Variants in MYPN observed in about 807,000 individuals in gnomAD.
The protein encoded by MYPN is sarcomeric protein myopalladin, 145 kDa (MYOP).
A neutral mutation model predicts 129.4 loss-of-function variants in MYPN; 63 were observed. The ratio of observed to expected loss-of-function variants is 0.49; its 90% CI spans 0.40 to 0.60. The LOEUF is 0.60. MYPN is among the 20% of genes least tolerant of loss of function. The pLI, the probability that MYPN is intolerant of heterozygous loss-of-function variation, is 0.00. For missense variants in MYPN, 1,596 were observed against 1,635.4 expected (o/e 0.98, Z 0.42); for synonymous variants, 629 against 600.9 (o/e 1.05, Z -0.68).
At chr10:68,158,818 A>G (rs1490725378) in intron 7 of MYPN, among the ~76,000 whole-genome samples, 191 bp downstream of exon 7, 1 of 152,344 alleles carries the variant, frequency 6.6e-6, no homozygotes, top group African/African-American at 2.4e-5. Flanking sequence ...TTTTTAAAGA[A>G]AAGCATCATA....
At chr10:68,203,933 T>G (rs532339064) in intron 18 of MYPN, among the ~76,000 whole-genome samples, 5 of 152,186 alleles carry the variant, frequency 3.3e-5, no homozygotes, top group Non-Finnish European at 7.3e-5. Flanking sequence ...TATATACCTC[T>G]GCTCAGGACA....
At chr10:68,161,024 C>T (rs1420623888) in intron 7 of MYPN, among the ~76,000 whole-genome samples, 1 of 152,192 alleles carries the variant, frequency 6.6e-6, no homozygotes, top group East Asian at 1.9e-4. Flanking sequence ...GATATCAGAG[C>T]CCAAAGCCAA....
At chr10:68,167,537 G>T (rs1356739264) in intron 10 of MYPN, among the ~76,000 whole-genome samples, 1 of 152,088 alleles carries the variant, frequency 6.6e-6, no homozygotes, top group Non-Finnish European at 1.5e-5. Context: ...CAAATAAAGG[G>T]CATGATATTG....
Position 68,093,497 on chromosome 10 carries a change from G to A in MYPN, c.-2+5505G>A, listed in dbSNP as rs571306611. Among the ~76,000 whole-genome samples, 11 of 151,380 alleles carry A rather than the reference G, an allele frequency of 7.3e-5. No individual in the cohort carries two copies. In the South Asian group the frequency reaches 2.3e-3, roughly 31 times the overall value. On this transcript the variant is annotated intron_variant, in intron 1 of 6. Transcript: ENST00000685154. ...CTCATGCCTGTAATCCCAGCACTTT[G>A]GGAAGGCCAGGCAGGCAAATCACGA... is the stretch of plus-strand genomic sequence containing the variant.
intron 1 of MYPN, among the ~76,000 whole-genome samples, chr10:68,116,312 G>A (rs2042156343): frequency 6.6e-6 from 1 of 151,470 alleles, no homozygotes; most frequent in Non-Finnish European, 1.5e-5. Flanking sequence ...TTTTTATTTT[G>A]GCTAATATTT....
At chr10:68,156,629 T>C (rs1023620519) in intron 6 of MYPN, among the ~76,000 whole-genome samples, 1 of 152,334 alleles carries the variant, frequency 6.6e-6, no homozygotes, top group South Asian at 2.1e-4. Context: ...ACACAGCTAA[T>C]GCTATGTGGT....
intron 10 of MYPN, among the ~76,000 whole-genome samples, chr10:68,172,563 A>T (rs2043159350): frequency 6.6e-6 from 1 of 152,134 alleles, no homozygotes; most frequent in Admixed American, 6.5e-5. Flanking sequence ...CTCTTTTGTG[A>T]AGAGAAATTC....
intron 2 of MYPN, among the ~76,000 whole-genome samples, chr10:68,123,101 G>A (rs1482851116): frequency 1.3e-5 from 2 of 152,064 alleles, no homozygotes; most frequent in African/African-American, 2.4e-5. Context: ...TTGGCCGGGC[G>A]CAGTGGCTCC....
At position 68,201,839 on chromosome 10, in the gene MYPN, G is replaced by A. The variant is rs755327022; in HGVS notation, c.3504G>A (p.Val1168=). 34 of 1,613,854 alleles carry A rather than the reference G, an allele frequency of 2.1e-5. No homozygotes were observed. In the African/African-American group the frequency reaches 4.1e-4, roughly 20 times the overall value. ...CCTTCTCTTGCTCAGCCAAAGAGGTGAAGAAAGCACCTGTGATCCTGGAGA... is the reference window on the plus strand; with the variant it reads ...CCTTCTCTTGCTCAGCCAAAGAGGTAAAGAAAGCACCTGTGATCCTGGAGA... ...SLELSVVAKE[V]KKAPVILEKL... is the part of the protein sequence containing the mutation. The change falls in exon 18 of 20, where the codon GTG becomes GTA. Residue 1168 remains valine (V), a synonymous_variant. Coordinates refer to ENST00000358913, the MANE Select transcript of MYPN (RefSeq NM_032578.4).
intron 12 of MYPN, among the ~76,000 whole-genome samples, chr10:68,186,120 G>A (rs2043418026): frequency 6.6e-6 from 1 of 152,166 alleles, no homozygotes; most frequent in South Asian, 2.1e-4. Context: ...TCAGAATCCA[G>A]TAACAATCTT....
chr10:68,126,012 A>G (rs2042320807), intron 2 of MYPN, among the ~76,000 whole-genome samples: 1 of 152,200 alleles, frequency 6.6e-6, no homozygotes, highest in South Asian at 2.1e-4. Flanking sequence ...TTAAAAGAGT[A>G]TATGAGTTGC....
chr10:68,189,159 A>C, intron 13 of MYPN, 33 bp downstream of exon 13: 142 of 1,505,038 alleles, frequency 9.4e-5, no homozygotes, highest in Non-Finnish European at 1.2e-4. Flanking sequence ...TGGCCACCTC[A>C]CAGCATGAAG....
Position 68,206,212 on chromosome 10 carries a change from G to T in MYPN, c.3660-558G>T, listed in dbSNP as rs2043813309. On this transcript the variant is annotated intron_variant, in intron 18 of 19. Transcript: ENST00000358913. ...TGCTTGGATCCCAGCCTTTGATTCTGATATAATTACCTGGGATATGGCCTG... is the reference window on the plus strand; with the variant it reads ...TGCTTGGATCCCAGCCTTTGATTCTTATATAATTACCTGGGATATGGCCTG... 2.6e-5 allele frequency among the ~76,000 whole-genome samples: 4 copies of T among 152,140 alleles called. No individual in the cohort carries two copies. In the South Asian group the frequency reaches 8.3e-4, roughly 32 times the overall value.
Position 68,089,042 on chromosome 10 carries a change from T to C in MYPN, c.-2+1050T>C, listed in dbSNP as rs548429978. ...TCTTTTGTGAGTTCGTTTGTTTGTT[T>C]AATTTTTGAGACAGAGTCTCACTCT... On this transcript the variant is annotated intron_variant, in intron 1 of 6. Coordinates refer to the MYPN transcript ENST00000685154. Among the ~76,000 whole-genome samples, 225 of 152,308 alleles carry C rather than the reference T, an allele frequency of 1.5e-3. 2 individuals are homozygous for C. The highest frequency in any genetic ancestry group is 5.2e-3 in the African/African-American group (216 of 41,550).
chr10:68,096,324 G>A (rs2041956323), intron 1 of MYPN, among the ~76,000 whole-genome samples: 1 of 152,212 alleles, frequency 6.6e-6, no homozygotes, highest in Non-Finnish European at 1.5e-5. Context: ...CTGACTTTGG[G>A]AGGTTGAGGC....
In MYPN at chr10:68,122,009, G is replaced by C; in HGVS notation, c.571G>C (p.Val191Leu). Residue 191 changes from valine to leucine, a missense_variant, in exon 2 of 20, where the codon GTT becomes CTT. Physicochemically the swap from Val to Leu is conservative, Grantham distance 32. Coordinates refer to ENST00000358913, the MANE Select transcript of MYPN (RefSeq NM_032578.4). ...GAGTAAACTGGAATCTCAAAACAAA[G>C]TTATGCAGGAAAACAGCTCCAGTTT... Reference protein sequence around the residue: ...HKSKLESQNKVMQENSSSFSD... With the variant: ...HKSKLESQNKLMQENSSSFSD... 6.2e-7 allele frequency: 1 copy of C among 1,614,208 alleles called. No homozygotes were observed. Among genetic ancestry groups the C allele is most frequent in the Non-Finnish European group, 8.5e-7 (1 of 1,180,046 alleles).
rs1266852634 is a variant in MYPN, at chr10:68,174,183, C to T, written c.2091C>T (p.Ser697=). 2.5e-6 allele frequency: 4 copies of T among 1,613,902 alleles called. No individual in the cohort carries two copies. Among genetic ancestry groups the T allele is most frequent in the Non-Finnish European group, 3.4e-6 (4 of 1,179,962 alleles). Reference sequence around the variant, plus strand: ...CTTTCAGCATGACTGTTTTGAACTCCAATGCTCCCCCAGCGGTGACAACAT... The same window carrying T: ...CTTTCAGCATGACTGTTTTGAACTCTAATGCTCCCCCAGCGGTGACAACAT... ...EFPFSMTVLN[S]NAPPAVTTSS... is the part of the protein sequence containing the mutation. Residue 697 remains serine, a synonymous_variant, in exon 11 of 20, where the codon TCC becomes TCT. Coordinates refer to ENST00000358913, the MANE Select transcript of MYPN (RefSeq NM_032578.4).
At chr10:68,187,182 G>A (rs2043435285) in intron 12 of MYPN, among the ~76,000 whole-genome samples, 2 of 151,870 alleles carry the variant, frequency 1.3e-5, no homozygotes, top group Non-Finnish European at 2.9e-5. Context: ...GATCAGCCTG[G>A]CTAACATGGT....
Position 68,173,942 on chromosome 10 carries a change from C to T in MYPN, c.1974-124C>T. The T allele has an allele frequency of 4.9e-6, 4 of 823,098 alleles. No individual in the cohort carries two copies. In the South Asian group the frequency reaches 5.7e-5, roughly 12 times the overall value. The allele number at this position is 823,098 out of a possible 1,614,324, so 51.0% of individuals were successfully genotyped here. On this transcript the variant is annotated intron_variant, in intron 10 of 19. Coordinates refer to ENST00000358913, the MANE Select transcript of MYPN (RefSeq NM_032578.4). ...TCCGCCTCCCAAAGTGCTGGGATTA[C>T]AGGCATGAGCCACCATGCCCCGCCT...
Sources: gnomAD v4.1 joint callset for allele counts (sites outside exome capture counted in the v4.1 genomes callset) on GRCh38, gnomAD v4.1.1 for gene constraint, MANE v1.5 for transcripts, NCBI Gene and HGNC (gene_info 2026-07-23, HGNC 2026-07-21) for gene names.